The following CHN1 variants were observed in gnomAD, a reference collection of about 807,000 sequenced individuals.
The protein encoded by CHN1 is chimerin 1, also known as N-chimaerin.
A neutral mutation model predicts 59.5 loss-of-function variants in CHN1; 37 were observed. The ratio of observed to expected loss-of-function variants is 0.62; its 90% CI spans 0.48 to 0.82. CHN1 has a LOEUF of 0.82. Ranked by LOEUF, CHN1 falls within the 40% of genes least tolerant of loss-of-function variation. The probability of loss-of-function intolerance (pLI) is 0.00; values close to 1 mark genes in which losing one functional copy is unlikely to be tolerated. For synonymous variants in CHN1, 206 were observed against 200.4 expected, an observed-to-expected ratio of 1.03 and a Z score of -0.24; for missense variants, 469 against 571.0, an observed-to-expected ratio of 0.82 and a Z score of 1.82.
At chr2:174,955,108 TCTATAGATCTATAGATCTA>T (rs1417031558) in intron 1 of CHN1, among the ~76,000 whole-genome samples, 1 of 147,904 alleles carries the variant, frequency 6.8e-6, no homozygotes, top group Non-Finnish European at 1.5e-5. Context: ...TATATATAGA[TCTATAGATCTATAGATCTA>T]ATATAGATCT....
Position 174,800,079 on chromosome 2 carries a change from A to G in CHN1, c.*37T>C, listed in dbSNP as rs1684669934. 6.6e-7 allele frequency: 1 copy of G among 1,504,132 alleles called. No individual in the cohort carries two copies. The highest frequency in any genetic ancestry group is 9.0e-7 in the Non-Finnish European group (1 of 1,111,186). 93.2% of individuals were successfully genotyped at this position (1,504,132 alleles called of 1,614,324 possible). On this transcript the variant is annotated 3_prime_UTR_variant, in exon 13 of 13. Transcript: ENST00000409900. Reference sequence around the variant, plus strand: ...TTAAATTACTATAAAACATTCCTTCATCTGTAAAACATTTCTTTTCCCCTC... The same window carrying G: ...TTAAATTACTATAAAACATTCCTTCGTCTGTAAAACATTTCTTTTCCCCTC...
At chr2:174,802,974 G>T (rs1684775177) in intron 11 of CHN1, among the ~76,000 whole-genome samples, 1 of 152,124 alleles carries the variant, frequency 6.6e-6, no homozygotes, top group African/African-American at 2.4e-5. Context: ...GGAGGTGGAG[G>T]TTGCAGTGAG....
chr2:174,990,262 T>TGAGAGAGA (rs147367573), intron 1 of CHN1, among the ~76,000 whole-genome samples: 22 of 89,386 alleles, frequency 2.5e-4, no homozygotes, highest in Non-Finnish European at 2.8e-4. Context: ...TGTGTGTGTG[T>TGAGAGAGA]GAGAGAGAGA....
At chr2:174,959,318 C>A (rs1390031414) in intron 1 of CHN1, among the ~76,000 whole-genome samples, 2 of 152,064 alleles carry the variant, frequency 1.3e-5, no homozygotes, top group South Asian at 2.1e-4. Context: ...TGGGTAGAGA[C>A]CTTAGATCAC....
chr2:174,827,897 GGTGGGGAGGACT>G (rs1299945997), intron 7 of CHN1, among the ~76,000 whole-genome samples: 1 of 152,166 alleles, frequency 6.6e-6, no homozygotes, highest in East Asian at 1.9e-4. Context: ...TTAGAAGTGA[GGTGGGGAGGACT>G]GTGGAAGGGA....
intron 5 of CHN1, among the ~76,000 whole-genome samples, chr2:174,910,938 T>C (rs1298785655): frequency 1.4e-5 from 2 of 146,116 alleles, no homozygotes; most frequent in African/African-American, 5.0e-5. Context: ...AAAGTAGATA[T>C]CAAATATTTA....
intron 6 of CHN1, among the ~76,000 whole-genome samples, chr2:174,865,425 T>C (rs1037065555): frequency 2.6e-5 from 4 of 152,126 alleles, no homozygotes; most frequent in East Asian, 1.9e-4. Context: ...CTCCCAAAAA[T>C]AGAGGATGCA....
At chr2:174,957,798 G>A (rs1690260869) in intron 1 of CHN1, among the ~76,000 whole-genome samples, 1 of 152,050 alleles carries the variant, frequency 6.6e-6, no homozygotes, top group African/African-American at 2.4e-5. Flanking sequence ...TCTTGTCTCA[G>A]AAGAGGTCTA....
At chr2:174,964,238 T>C (rs929404795) in intron 1 of CHN1, among the ~76,000 whole-genome samples, 1 of 152,128 alleles carries the variant, frequency 6.6e-6, no homozygotes, top group African/African-American at 2.4e-5. Context: ...TTCTTAGTTC[T>C]CCCAAGTATG....
chr2:174,953,128 G>A (rs183970408), intron 1 of CHN1, among the ~76,000 whole-genome samples: 7 of 150,766 alleles, frequency 4.6e-5, no homozygotes, highest in Non-Finnish European at 8.8e-5. Flanking sequence ...GAACCCATTA[G>A]GCAATCTGAT....
At chr2:174,962,625 G>A (rs1310387450) in intron 1 of CHN1, among the ~76,000 whole-genome samples, 6 of 138,310 alleles carry the variant, frequency 4.3e-5, no homozygotes, top group South Asian at 2.5e-4. Context: ...GGCTGGGCAC[G>A]GTGGCTCACG....
chr2:174,812,265 G>A (rs1428113519), intron 9 of CHN1, 44 bp downstream of exon 9: 1 of 1,549,348 alleles, frequency 6.5e-7, no homozygotes, highest in East Asian at 2.3e-5. Context: ...ATTGGTACTG[G>A]TAGTGAACGG....
At chr2:174,904,801 T>TAAAATAAAAA (rs1688493240) in intron 5 of CHN1, among the ~76,000 whole-genome samples, 1 of 152,242 alleles carries the variant, frequency 6.6e-6, no homozygotes, top group Non-Finnish European at 1.5e-5. Flanking sequence ...ATCTACCACA[T>TAAAATAAAAA]GGTCTTATTT....
In CHN1 at chr2:174,867,422, T is replaced by C. The variant is rs567760522; in HGVS notation, c.549+10418A>G. The stretch of plus-strand genomic sequence containing the variant: ...CTTCAGGAAGATTTATTGTTAAACA[T>C]AGACAGTATAGGGAAAAAGAGTACT... On this transcript the variant is annotated intron_variant, in intron 6 of 12. Coordinates refer to ENST00000409900, the MANE Select transcript of CHN1 (RefSeq NM_001822.7). Among the ~76,000 whole-genome samples the C allele has an allele frequency of 4.6e-5, 7 of 151,738 alleles. No individual in the cohort carries two copies. The South Asian group carries it at 8.3e-4, about 18-fold the overall frequency.
At chr2:174,875,265 T>C (rs1347242844) in intron 6 of CHN1, among the ~76,000 whole-genome samples, 1 of 152,208 alleles carries the variant, frequency 6.6e-6, no homozygotes, top group Non-Finnish European at 1.5e-5. Flanking sequence ...CCTGTATAAT[T>C]ATTGTTTTGT....
intron 1 of CHN1, among the ~76,000 whole-genome samples, chr2:175,001,596 T>C (rs1392705259): frequency 6.6e-6 from 1 of 152,118 alleles, no homozygotes; most frequent in Non-Finnish European, 1.5e-5. Context: ...GGTGACTAAA[T>C]GGTAACAAGA....
chr2:174,899,033 T>G (rs1326780186), intron 5 of CHN1, among the ~76,000 whole-genome samples: 2 of 152,156 alleles, frequency 1.3e-5, no homozygotes, highest in African/African-American at 4.8e-5. Context: ...TCACAGAGCT[T>G]TAAAACTCCT....
intron 3 of CHN1, among the ~76,000 whole-genome samples, chr2:174,925,407 A>G (rs547120939): frequency 6.6e-6 from 1 of 152,358 alleles, no homozygotes; most frequent in Non-Finnish European, 1.5e-5. Context: ...TTTCTTTGAC[A>G]TATTTTGAAA....
chr2:175,002,150 T>C (rs1691910813), intron 1 of CHN1, among the ~76,000 whole-genome samples: 1 of 152,232 alleles, frequency 6.6e-6, no homozygotes, highest in Non-Finnish European at 1.5e-5. Flanking sequence ...GAGTCTGTAA[T>C]ACATTTGGAT....
Sources: allele counts gnomAD v4.1 joint callset (sites outside exome capture counted in the v4.1 genomes callset), GRCh38; gene constraint gnomAD v4.1.1; transcripts MANE v1.5; gene names NCBI Gene and HGNC (gene_info 2026-07-23, HGNC 2026-07-21).